The following FOLR2 variants were observed in gnomAD, a reference collection of about 807,000 sequenced individuals.
The protein encoded by FOLR2 is folate receptor beta.
In FOLR2, 14 loss-of-function variants were observed where a neutral mutation model predicts 20.4. The observed-to-expected ratio is 0.68, with a 90% CI of 0.45 to 1.07. FOLR2 has a LOEUF of 1.07. Ranked by LOEUF, FOLR2 falls within the 50% of genes least tolerant of loss-of-function variation. FOLR2 has a pLI of 0.00. For synonymous variants in FOLR2, 114 were observed against 114.3 expected, an observed-to-expected ratio of 1.00 and a Z score of 0.02; for missense variants, 269 against 322.6, an observed-to-expected ratio of 0.83 and a Z score of 1.27.
chr11:72,221,067 T>TCGGGGGGGGGGCGCCCCCCCCCCC lies in FOLR2; in HGVS notation c.339+10_339+11insGGGGGGGGGGCGCCCCCCCCCCCC. 1.3e-6 allele frequency: 2 copies of TCGGGGGGGGGGCGCCCCCCCCCCC among 1,570,096 alleles called. No homozygotes were observed. The highest frequency in any genetic ancestry group is 1.7e-6 in the Non-Finnish European group (2 of 1,154,894). On this transcript the variant is annotated intron_variant, in intron 3 of 4. Transcript: ENST00000298223. Reference sequence around the variant, plus strand: ...GGCCCTGGATCCAGCAGGTAGGGTGTCTCCCCCCCACCCACCCCAGCAGAC... The same window carrying TCGGGGGGGGGGCGCCCCCCCCCCC: ...GGCCCTGGATCCAGCAGGTAGGGTGTCGGGGGGGGGGCGCCCCCCCCCCCCTCCCCCCCACCCACCCCAGCAGAC...
In FOLR2 at chr11:72,221,763, G is replaced by A; in HGVS notation, c.*1G>A. The A allele has an allele frequency of 1.9e-6, 3 of 1,612,072 alleles. No individual in the cohort carries two copies. The highest frequency in any genetic ancestry group is 2.5e-6 in the Non-Finnish European group (3 of 1,178,440). ...GCTGCAACTCTGGCTCCTTGGCTGA[G>A]TTCAGTCCTCCCAGACTACCTGCCC... On this transcript the variant is annotated 3_prime_UTR_variant, in exon 5 of 5. Transcript: ENST00000298223.
chr11:72,221,067 T>TCGGGGGGGGGCGGCCCCCCCC lies in FOLR2; in HGVS notation c.339+10_339+11insGGGGGGGGGCGGCCCCCCCCC. ...GGCCCTGGATCCAGCAGGTAGGGTG[T>TCGGGGGGGGGCGGCCCCCCCC]CTCCCCCCCACCCACCCCAGCAGAC... On this transcript the variant is annotated intron_variant, in intron 3 of 4. Transcript: ENST00000298223. 6.4e-7 allele frequency: 1 copy of TCGGGGGGGGGCGGCCCCCCCC among 1,570,118 alleles called. No individual in the cohort carries two copies.
chr11:72,216,967 G>A (rs1948400146), intron 1 of FOLR2, 42 bp downstream of exon 1: 1 of 1,588,928 alleles, frequency 6.3e-7, no homozygotes, highest in African/African-American at 1.3e-5. Flanking sequence ...GGGCAGTGGG[G>A]AGACTTGGAG....
intron 2 of FOLR2, among the ~76,000 whole-genome samples, chr11:72,219,849 CTTT>C (rs774060157): frequency 7.1e-6 from 1 of 140,526 alleles, no homozygotes; most frequent in Admixed American, 7.1e-5. Flanking sequence ...CTTTTGCTTA[CTTT>C]TTTTTTTTTT....
chr11:72,220,391 A>G (rs1439248642), intron 2 of FOLR2, among the ~76,000 whole-genome samples: 1 of 152,118 alleles, frequency 6.6e-6, no homozygotes, highest in Non-Finnish European at 1.5e-5. Flanking sequence ...AACTTTTCCC[A>G]TATCATTTAT....
Position 72,221,171 on chromosome 11 carries a change from C to G in FOLR2, c.340-5C>G. The G allele has an allele frequency of 6.2e-7, 1 of 1,611,482 alleles. No individual in the cohort carries two copies. Among genetic ancestry groups the G allele is most frequent in the East Asian group, 2.2e-5 (1 of 44,798 alleles). On this transcript the variant is annotated splice_region_variant and splice_polypyrimidine_tract_variant and intron_variant, in intron 3 of 4. Coordinates refer to ENST00000298223, the MANE Select transcript of FOLR2 (RefSeq NM_000803.5). ...AGGAGCCCTGCCTCCCCACCTCCCA[C>G]CCAGGTGAATCAGAGCTGGCGCAAA...
At chr11:72,217,281 C>T (rs1038054518) in intron 1 of FOLR2, 15 of 997,642 alleles carry the variant, frequency 1.5e-5, no homozygotes, top group Non-Finnish European at 2.1e-5. Context: ...CCTCGGCCTC[C>T]CAAAGTGCTG....
Position 72,221,067 on chromosome 11 carries a change from T to TCGGGGGGGGGGGGCGCCCCCCC in FOLR2, c.339+10_339+11insGGGGGGGGGGGGCGCCCCCCCC. On this transcript the variant is annotated intron_variant, in intron 3 of 4. Transcript: ENST00000298223. ...GGCCCTGGATCCAGCAGGTAGGGTG[T>TCGGGGGGGGGGGGCGCCCCCCC]CTCCCCCCCACCCACCCCAGCAGAC... 1 of 1,570,106 alleles carries TCGGGGGGGGGGGGCGCCCCCCC rather than the reference T, an allele frequency of 6.4e-7. No homozygotes were observed. The highest frequency in any genetic ancestry group is 1.1e-5 in the South Asian group (1 of 87,006).
At position 72,221,239 on chromosome 11, in the gene FOLR2, C is replaced by T. The variant is rs752060276; in HGVS notation, c.403C>T (p.Arg135Cys). The change falls in exon 4 of 5, where the codon CGC becomes TGC. Residue 135 changes from arginine (R) to cysteine (C), a missense_variant. By Grantham distance (180) the Arg-to-Cys change is radical. Transcript: ENST00000298223. ...GCCCTTATGCAAAGAGGACTGTCAGCGCTGGTGGGAGGATTGTCACACCTC... is the reference window on the plus strand; with the variant it reads ...GCCCTTATGCAAAGAGGACTGTCAGTGCTGGTGGGAGGATTGTCACACCTC... ...DVPLCKEDCQ[R>C]WWEDCHTSHT... The T allele has an allele frequency of 5.0e-6, 8 of 1,613,792 alleles. No homozygotes were observed. Among genetic ancestry groups the T allele is most frequent in the East Asian group, 2.2e-5 (1 of 44,882 alleles).
rs201081978 is a variant in FOLR2 at position 72,220,980 on chromosome 11, G to A, written c.261G>A (p.Glu87=). 1.0e-4 allele frequency: 165 copies of A among 1,613,934 alleles called. 2 individuals are homozygous for A. The South Asian group carries it at 1.6e-3, about 15-fold the overall frequency. ...NFNWDHCGKM[E]PACKRHFIQD... ...ACTGGGACCACTGCGGCAAGATGGA[G>A]CCCGCCTGCAAGCGCCACTTCATCC... Residue 87 remains glutamate, a synonymous_variant, in exon 3 of 5, where the codon GAG becomes GAA. Transcript: ENST00000298223.
chr11:72,221,067 T>TCGGGGGGGGGGGGGGGCGCCCCC lies in FOLR2; in HGVS notation c.339+10_339+11insGGGGGGGGGGGGGGGCGCCCCCC. ...GGCCCTGGATCCAGCAGGTAGGGTGTCTCCCCCCCACCCACCCCAGCAGAC... is the reference window on the plus strand; with the variant it reads ...GGCCCTGGATCCAGCAGGTAGGGTGTCGGGGGGGGGGGGGGGCGCCCCCCTCCCCCCCACCCACCCCAGCAGAC... On this transcript the variant is annotated intron_variant, in intron 3 of 4. Coordinates refer to ENST00000298223, the MANE Select transcript of FOLR2 (RefSeq NM_000803.5). 6.4e-7 allele frequency: 1 copy of TCGGGGGGGGGGGGGGGCGCCCCC among 1,570,120 alleles called. No individual in the cohort carries two copies. The highest frequency in any genetic ancestry group is 8.7e-7 in the Non-Finnish European group (1 of 1,154,916).
rs200364940 is a variant in FOLR2, at chr11:72,218,565, G to A, written c.-20G>A. 85 of 1,610,284 alleles carry A rather than the reference G, an allele frequency of 5.3e-5. No homozygotes were observed. The highest frequency in any genetic ancestry group is 6.5e-5 in the Non-Finnish European group (77 of 1,178,202). ...GACTTGGTTTCCCTACCCTAGCTCCGCCTGCAGGGACAGAAAGACATGGTC... is the reference window on the plus strand; with the variant it reads ...GACTTGGTTTCCCTACCCTAGCTCCACCTGCAGGGACAGAAAGACATGGTC... On this transcript the variant is annotated 5_prime_UTR_variant, in exon 2 of 5. Transcript: ENST00000298223.
chr11:72,221,223 CAA>C lies in FOLR2; in HGVS notation c.389_390del (p.Lys130ArgfsTer31). 1 of 1,613,674 alleles carries C rather than the reference CAA, an allele frequency of 6.2e-7. No homozygotes were observed. The highest frequency in any genetic ancestry group is 8.5e-7 in the Non-Finnish European group (1 of 1,179,768). On this transcript the variant is annotated frameshift_variant, in exon 4 of 5. Transcript: ENST00000298223. LOFTEE classifies it high-confidence loss of function. ...AACGCTTCCTGGATGTGCCCTTATG[CAA>C]AGAGGACTGTCAGCGCTGGTGGGAG... ...KERFLDVPLC[K>X]EDCQRWWEDC...
At position 72,217,213 on chromosome 11, in the gene FOLR2, C is replaced by T. The variant is rs535749055; in HGVS notation, c.-25+288C>T. 2.6e-5 allele frequency: 13 copies of T among 504,096 alleles called. No individual in the cohort carries two copies. The East Asian group carries it at 4.6e-4, about 18-fold the overall frequency. The allele number at this position is 504,096 out of a possible 1,614,324, so 31.2% of individuals were successfully genotyped here. ...CTAATTTTTGTATTTTTAGTAGAGA[C>T]GGGGTTTCATCATGTTGGTCAGGCT... On this transcript the variant is annotated intron_variant, in intron 1 of 4. Coordinates refer to ENST00000298223, the MANE Select transcript of FOLR2 (RefSeq NM_000803.5).
chr11:72,220,848 G>A (rs1212475385), intron 2 of FOLR2, 22 bp from the exon 3 acceptor site: 2 of 1,613,678 alleles, frequency 1.2e-6, no homozygotes, highest in Admixed American at 3.3e-5. Context: ...GAGGCACTTA[G>A]TCCTGTGTCT....
chr11:72,217,217 G>T, intron 1 of FOLR2: 1 of 504,606 alleles, frequency 2.0e-6, no homozygotes, highest in Non-Finnish European at 3.5e-6. Context: ...TAGAGACGGG[G>T]TTTCATCATG....
rs565956158 is a variant in FOLR2 at position 72,217,783 on chromosome 11, C to T, written c.-24-778C>T. 1.4e-4 allele frequency among the ~76,000 whole-genome samples: 22 copies of T among 152,182 alleles called. No individual in the cohort carries two copies. In the South Asian group the frequency reaches 2.1e-3, roughly 14 times the overall value. ...TTCTGAATTTTAGTGCACCAGTCAC[C>T]GGAGCAGTGTACACTGTACTCAGTA... On this transcript the variant is annotated intron_variant, in intron 1 of 4. Transcript: ENST00000298223.
Position 72,221,070 on chromosome 11 carries a change from C to CCCCCCCCCCCCCCCCCCCCCCCCCCCCA in FOLR2, c.339+18_339+19insCCCCCCCCCCCCCCCCCCCCCACCCCCC. The stretch of plus-strand genomic sequence containing the variant: ...CCTGGATCCAGCAGGTAGGGTGTCT[C>CCCCCCCCCCCCCCCCCCCCCCCCCCCCA]CCCCCCACCCACCCCAGCAGACTGC... On this transcript the variant is annotated intron_variant, in intron 3 of 4. Coordinates refer to ENST00000298223, the MANE Select transcript of FOLR2 (RefSeq NM_000803.5). 2.3e-6 allele frequency: 1 copy of CCCCCCCCCCCCCCCCCCCCCCCCCCCCA among 427,108 alleles called. No homozygotes were observed. Among genetic ancestry groups the CCCCCCCCCCCCCCCCCCCCCCCCCCCCA allele is most frequent in the African/African-American group, 4.5e-5 (1 of 22,102 alleles). 26.5% of individuals were successfully genotyped at this position (427,108 alleles called of 1,614,324 possible).
rs1281996957 is a variant in FOLR2, at chr11:72,221,723, C to G, written c.729C>G (p.Leu243=). 1 of 1,613,866 alleles carries G rather than the reference C, an allele frequency of 6.2e-7. No individual in the cohort carries two copies. The highest frequency in any genetic ancestry group is 8.5e-7 in the Non-Finnish European group (1 of 1,179,880). The change falls in exon 5 of 5, where the codon CTC becomes CTG. Residue 243 remains leucine (L), a synonymous_variant. Transcript: ENST00000298223. ...EMLHGTGGLL[L]SLALMLQLWL... is the part of the protein sequence containing the mutation. ...TTCATGGGACTGGGGGTCTCCTGCT[C>G]AGTCTGGCCCTGATGCTGCAACTCT... is the stretch of plus-strand genomic sequence containing the variant.
Sources: gnomAD v4.1 joint callset for allele counts (sites outside exome capture counted in the v4.1 genomes callset) on GRCh38, gnomAD v4.1.1 for gene constraint, MANE v1.5 for transcripts, NCBI Gene and HGNC (gene_info 2026-07-23, HGNC 2026-07-21) for gene names.